Variants in FSTL5 observed in about 807,000 individuals in gnomAD.
FSTL5 encodes the protein follistatin-related protein 5.
A neutral mutation model predicts 89.1 loss-of-function variants in FSTL5; 62 were observed. That is an observed-to-expected ratio of 0.70 (90% CI 0.57 to 0.86). The LOEUF (loss-of-function observed/expected upper bound fraction) is 0.86, where lower values mean the gene tolerates loss of function less well. FSTL5 is among the 40% of genes least tolerant of loss of function. The pLI is 0.00. For missense variants in FSTL5, 1,057 were observed against 1,001.6 expected, an observed-to-expected ratio of 1.06 and a Z score of -0.75; for synonymous variants, 383 against 346.2, an observed-to-expected ratio of 1.11 and a Z score of -1.18.
At chr4:162,001,985 CTTT>C (rs1021101258) in intron 3 of FSTL5, among the ~76,000 whole-genome samples, 1 of 151,890 alleles carries the variant, frequency 6.6e-6, no homozygotes, top group Non-Finnish European at 1.5e-5. Context: ...AACCTGTCTA[CTTT>C]TTTTATTTTT....
chr4:161,867,875 A>T (rs1012114378), intron 4 of FSTL5, among the ~76,000 whole-genome samples: 1 of 151,902 alleles, frequency 6.6e-6, no homozygotes, highest in Non-Finnish European at 1.5e-5. Context: ...ATTATAGATG[A>T]TTGATTATTG....
chr4:161,752,135 A>G (rs913546589), intron 6 of FSTL5, among the ~76,000 whole-genome samples: 2 of 152,204 alleles, frequency 1.3e-5, no homozygotes, highest in South Asian at 2.1e-4. Flanking sequence ...AAATAGTGAC[A>G]CATTATGATG....
intron 10 of FSTL5, 78 bp from the exon 11 acceptor site, chr4:161,510,502 A>C: frequency 2.5e-6 from 2 of 785,048 alleles, no homozygotes; most frequent in South Asian, 3.7e-5. Flanking sequence ...TATAAATATT[A>C]TTAAAGATGT....
chr4:162,115,303 C>T (rs186358400), intron 1 of FSTL5, among the ~76,000 whole-genome samples: 169 of 152,254 alleles, frequency 1.1e-3, no homozygotes, highest in African/African-American at 3.9e-3. Context: ...GAATCATGAT[C>T]ATCTTCTTAT....
chr4:161,881,888 A>T (rs1031445755), intron 4 of FSTL5, among the ~76,000 whole-genome samples: 32 of 152,162 alleles, frequency 2.1e-4, no homozygotes, highest in Admixed American at 1.6e-3. Context: ...TGATTCACTG[A>T]TTCTCTTTCT....
chr4:162,047,351 T>C (rs530476488), intron 2 of FSTL5: 1 of 152,226 alleles, frequency 6.6e-6, no homozygotes, highest in Non-Finnish European at 1.5e-5. Context: ...TTTTAAGTTC[T>C]TTACCTATTA....
chr4:161,694,724 C>G (rs1738076187), intron 6 of FSTL5, among the ~76,000 whole-genome samples: 1 of 151,372 alleles, frequency 6.6e-6, no homozygotes, highest in Non-Finnish European at 1.5e-5. Context: ...AACAGAACAT[C>G]TTTAATTTTG....
intron 8 of FSTL5, among the ~76,000 whole-genome samples, chr4:161,554,502 G>A (rs1732322511): frequency 6.6e-6 from 1 of 151,530 alleles, no homozygotes; most frequent in African/African-American, 2.4e-5. Context: ...AGAGTATGGA[G>A]ACAGCATAAC....
chr4:162,102,075 T>C (rs1731017426), intron 2 of FSTL5, among the ~76,000 whole-genome samples: 1 of 152,168 alleles, frequency 6.6e-6, no homozygotes, highest in South Asian at 2.1e-4. Flanking sequence ...ACTTAATTAA[T>C]GCAGATTTAG....
chr4:162,018,482 G>T (rs1416046605), intron 3 of FSTL5, among the ~76,000 whole-genome samples: 1 of 152,038 alleles, frequency 6.6e-6, no homozygotes, highest in Non-Finnish European at 1.5e-5. Context: ...TCATTTTGCA[G>T]CATATTGTGT....
At chr4:161,394,132 T>A (rs1308108859) in intron 15 of FSTL5, among the ~76,000 whole-genome samples, 6 of 152,128 alleles carry the variant, frequency 3.9e-5, no homozygotes, top group Non-Finnish European at 8.8e-5. Flanking sequence ...TAAAGAAAAA[T>A]TGTATCAACT....
At chr4:162,078,306 A>G (rs771363331) in intron 2 of FSTL5, among the ~76,000 whole-genome samples, 8 of 151,872 alleles carry the variant, frequency 5.3e-5, no homozygotes, top group Admixed American at 1.3e-4. Context: ...TTTAGATAAG[A>G]TAAGTGGTTT....
At chr4:161,408,388 T>G (rs923551456) in intron 15 of FSTL5, among the ~76,000 whole-genome samples, 2 of 152,082 alleles carry the variant, frequency 1.3e-5, no homozygotes, top group African/African-American at 4.8e-5. Flanking sequence ...AGTACAGACC[T>G]TTAGTCCTCT....
chr4:162,119,888 C>A (rs1159146168), intron 1 of FSTL5, among the ~76,000 whole-genome samples: 2 of 151,988 alleles, frequency 1.3e-5, no homozygotes, highest in Non-Finnish European at 2.9e-5. Flanking sequence ...TCTTATTGGT[C>A]CATACTGTGA....
chr4:161,507,729 C>A (rs10010479), intron 11 of FSTL5, among the ~76,000 whole-genome samples: 2,577 of 151,826 alleles, frequency 0.017, 67 homozygotes, highest in African/African-American at 0.058. Context: ...TAAGATAATA[C>A]ATATTAAATT....
intron 6 of FSTL5, among the ~76,000 whole-genome samples, chr4:161,674,537 C>G (rs552675483): frequency 6.6e-6 from 1 of 152,244 alleles, no homozygotes; most frequent in South Asian, 2.1e-4. Context: ...GAAAAACACT[C>G]CAAGACTCAA....
chr4:161,407,951 G>T (rs934144245), intron 15 of FSTL5, among the ~76,000 whole-genome samples: 16 of 152,194 alleles, frequency 1.1e-4, no homozygotes, highest in African/African-American at 3.9e-4. Context: ...TAGTACCAGA[G>T]AGCTGTGGCC....
intron 2 of FSTL5, among the ~76,000 whole-genome samples, chr4:162,062,128 A>T (rs1738737063): frequency 6.6e-6 from 1 of 151,808 alleles, no homozygotes. Flanking sequence ...ATATTATATG[A>T]CAATAATTTA....
chr4:161,596,321 A>G (rs1025567291), intron 7 of FSTL5, among the ~76,000 whole-genome samples: 4 of 151,958 alleles, frequency 2.6e-5, no homozygotes, highest in African/African-American at 7.2e-5. Context: ...AAATTGATTT[A>G]AATATGCAAT....
Sources: allele counts gnomAD v4.1 joint callset (sites outside exome capture counted in the v4.1 genomes callset), GRCh38; gene constraint gnomAD v4.1.1; transcripts MANE v1.5; gene names NCBI Gene and HGNC (gene_info 2026-07-23, HGNC 2026-07-21).